Variants in DZIP1L observed in about 807,000 individuals in gnomAD.
DZIP1L encodes the protein cilium assembly protein DZIP1L.
A neutral mutation model predicts 88.7 loss-of-function variants in DZIP1L; 90 were observed. The ratio of observed to expected loss-of-function variants is 1.02; its 90% CI spans 0.86 to 1.21. DZIP1L has a LOEUF of 1.21. Ranked by LOEUF, DZIP1L falls within the 50% of genes most tolerant of loss-of-function variation. The pLI is 0.00. For missense variants in DZIP1L, 932 were observed against 955.8 expected (o/e 0.98, Z 0.33); for synonymous variants, 363 against 372.1 (o/e 0.98, Z 0.28).
At chr3:138,106,911 G>C (rs2042512049) in intron 1 of DZIP1L, among the ~76,000 whole-genome samples, 1 of 151,606 alleles carries the variant, frequency 6.6e-6, no homozygotes, top group Admixed American at 6.6e-5. Context: ...GGGCCTCCAG[G>C]AACAGCCCCT....
intron 10 of DZIP1L, among the ~76,000 whole-genome samples, chr3:138,078,915 C>T (rs1943528477): frequency 6.6e-6 from 1 of 152,160 alleles, no homozygotes; most frequent in South Asian, 2.1e-4. Context: ...CTGGGTGATT[C>T]TTAATGTTTA....
At chr3:138,110,104 C>T (rs2042593480) in intron 1 of DZIP1L, among the ~76,000 whole-genome samples, 1 of 152,030 alleles carries the variant, frequency 6.6e-6, no homozygotes, top group Admixed American at 6.5e-5. Flanking sequence ...ATAAATAGAT[C>T]CCATTTGTCT....
chr3:138,068,168 G>A lies in DZIP1L; in HGVS notation c.1815C>T (p.Ser605=). Residue 605 remains serine, a synonymous_variant, in exon 13 of 16, where the codon TCC becomes TCT. Transcript: ENST00000327532. The part of the protein sequence containing the change: ...GLHGPSSTPP[S]SGPGMSTPPF... ...GGGCTCACCTCATCCCGGGCCCCGA[G>A]GAAGGAGGGGTGCTGGAGGGTCCAT... 3 of 1,516,992 alleles carry A rather than the reference G, an allele frequency of 2.0e-6. No homozygotes were observed. Among genetic ancestry groups the A allele is most frequent in the Non-Finnish European group, 2.7e-6 (3 of 1,128,998 alleles). 94.0% of individuals were successfully genotyped at this position (1,516,992 alleles called of 1,614,324 possible). A position where few individuals can be genotyped will look rare whatever the true frequency, so the allele number is the denominator to read the frequency against.
intron 2 of DZIP1L, chr3:138,102,393 A>G (rs1253030850): frequency 7.7e-7 from 1 of 1,291,296 alleles, no homozygotes; most frequent in Non-Finnish European, 1.1e-6. Flanking sequence ...CTTGTTCTCG[A>G]AGTCCTCCAC....
rs1357154073 is a variant in DZIP1L at position 138,084,227 on chromosome 3, C to G, written c.1089G>C (p.Gln363His). 1.9e-6 allele frequency: 3 copies of G among 1,614,128 alleles called. No individual in the cohort carries two copies. The Admixed American group carries it at 5.0e-5, about 27-fold the overall frequency. The change falls in exon 8 of 16, where the codon CAG (glutamine) becomes CAC (histidine). Residue 363 changes from glutamine to histidine, a missense_variant. By Grantham distance (24) the Gln-to-His change is conservative (BLOSUM62 0). Transcript: ENST00000327532. ...TCTTCTGATCCTGAGACAGGGAGGC[C>G]TGGAGCCTCTGGTTCTCCTCCTGTA... ...KELQEENQRL[Q>H]ASLSQDQKKA... is the part of the protein sequence containing the mutation.
chr3:138,096,659 T>C (rs533025961), intron 3 of DZIP1L, among the ~76,000 whole-genome samples: 1 of 152,284 alleles, frequency 6.6e-6, no homozygotes, highest in African/African-American at 2.4e-5. Context: ...CAGAGACATA[T>C]TTTTATTCAA....
rs1944395636 is a variant in DZIP1L at position 138,094,867 on chromosome 3, G to A, written c.703C>T (p.Leu235Phe). Residue 235 changes from leucine to phenylalanine, a missense_variant, in exon 4 of 16, where the codon CTC becomes TTC. Leu to Phe is a conservative substitution (Grantham distance 22). Transcript: ENST00000327532. The stretch of plus-strand genomic sequence containing the variant: ...TGTTTTCTCTCCCTGCCCACCTGGA[G>A]CTGCCGCTGCCTCTCCGCCTCCCTC... The part of the protein sequence containing the change: ...AQREAERQRQ[L>F]QEAELIHQRE... The A allele has an allele frequency of 2.5e-6, 4 of 1,614,084 alleles. No individual in the cohort carries two copies. Among genetic ancestry groups the A allele is most frequent in the African/African-American group, 1.3e-5 (1 of 74,932 alleles).
intron 2 of DZIP1L, among the ~76,000 whole-genome samples, chr3:138,098,894 C>T (rs1428221323): frequency 6.6e-6 from 1 of 152,188 alleles, no homozygotes; most frequent in East Asian, 1.9e-4. Context: ...ACTTAAAATC[C>T]TAGAACTTTG....
At position 138,101,785 on chromosome 3, in the gene DZIP1L, G is replaced by A. The variant is rs897488046; in HGVS notation, c.501+1686C>T. 21 of 1,135,816 alleles carry A rather than the reference G, an allele frequency of 1.8e-5. No homozygotes were observed. In the African/African-American group the frequency reaches 2.7e-4, roughly 15 times the overall value. 70.4% of individuals were successfully genotyped at this position (1,135,816 alleles called of 1,614,324 possible). On this transcript the variant is annotated intron_variant, in intron 2 of 15. Coordinates refer to ENST00000327532, the MANE Select transcript of DZIP1L (RefSeq NM_173543.3). ...ATAGGTGGCGATCTTGATGTCCAGG[G>A]CCAGCTTGACATTCATCAGCTCCTG...
intron 1 of DZIP1L, among the ~76,000 whole-genome samples, chr3:138,108,516 C>G (rs2042557627): frequency 6.6e-6 from 1 of 152,128 alleles, no homozygotes; most frequent in African/African-American, 2.4e-5. Flanking sequence ...TTTCCCCTTT[C>G]TTTTATGACA....
chr3:138,108,494 C>G lies in DZIP1L; in HGVS notation c.-81-4442G>C, dbSNP rs563188073. On this transcript the variant is annotated intron_variant, in intron 1 of 15. Transcript: ENST00000327532. ...ACCTTTTTGAATGCTCTTCCTTAAA[C>G]AGTGGCTATTCTTTCCCCTTTCTTT... Among the ~76,000 whole-genome samples, 9 of 152,304 alleles carry G rather than the reference C, an allele frequency of 5.9e-5. No individual in the cohort carries two copies. The South Asian group carries it at 1.7e-3, about 28-fold the overall frequency.
intron 11 of DZIP1L, among the ~76,000 whole-genome samples, chr3:138,074,004 A>T (rs2724705): frequency 6.6e-5 from 10 of 151,742 alleles, no homozygotes; most frequent in East Asian, 1.9e-4. Context: ...CACAATCCAT[A>T]GAAGACAAAA....
intron 12 of DZIP1L, among the ~76,000 whole-genome samples, chr3:138,069,419 C>T (rs921194711): frequency 7.2e-5 from 11 of 152,132 alleles, no homozygotes; most frequent in East Asian, 1.9e-4. Flanking sequence ...AAAAGTTACA[C>T]GCAAATTTTC....
chr3:138,069,916 G>A (rs1404840687), intron 12 of DZIP1L, among the ~76,000 whole-genome samples: 1 of 152,162 alleles, frequency 6.6e-6, no homozygotes, highest in Non-Finnish European at 1.5e-5. Flanking sequence ...CAAAAACACA[G>A]CGCTCATCTC....
In DZIP1L at chr3:138,095,012, C is replaced by T. The variant is rs780824202; in HGVS notation, c.587-29G>A. On this transcript the variant is annotated intron_variant, in intron 3 of 15. Transcript: ENST00000327532. ...TGGGGTCCACGCAAAGACAGGTGAC[C>T]AGTTTAAGTCCAAAAATCAAGGGAG... is the stretch of plus-strand genomic sequence containing the variant. 4 of 1,613,778 alleles carry T rather than the reference C, an allele frequency of 2.5e-6. No individual in the cohort carries two copies. In the Admixed American group the frequency reaches 6.7e-5, roughly 27 times the overall value.
chr3:138,080,707 G>A lies in DZIP1L; in HGVS notation c.1235-87C>T, dbSNP rs1197932604. ...AAAGTACAGAACCCCAGCTGAGTAT[G>A]AGCCAGAAAGAGAAAACCCTCCAGT... On this transcript the variant is annotated intron_variant, in intron 9 of 15. Coordinates refer to ENST00000327532, the MANE Select transcript of DZIP1L (RefSeq NM_173543.3). The A allele has an allele frequency of 3.6e-6, 5 of 1,395,152 alleles. No homozygotes were observed. The Admixed American group carries it at 5.7e-5, about 16-fold the overall frequency. 86.4% of individuals were successfully genotyped at this position (1,395,152 alleles called of 1,614,324 possible).
In DZIP1L at chr3:138,080,276, G is replaced by A. The variant is rs73867012; in HGVS notation, c.1288+291C>T. 1.2e-4 allele frequency: 33 copies of A among 283,492 alleles called. 2 individuals carry two copies. In the South Asian group the frequency reaches 1.5e-3, roughly 13 times the overall value. The allele number at this position is 283,492 out of a possible 1,614,324, so 17.6% of individuals were successfully genotyped here. A position where few individuals can be genotyped will look rare whatever the true frequency, so the allele number is the denominator to read the frequency against. On this transcript the variant is annotated intron_variant, in intron 10 of 15. Transcript: ENST00000327532. ...CAGTAGGGCAGGCTGTGAATCAGACGTCCCTCCAAATCCTCACTCAGTTAC... is the reference window on the plus strand; with the variant it reads ...CAGTAGGGCAGGCTGTGAATCAGACATCCCTCCAAATCCTCACTCAGTTAC...
At chr3:138,086,839 C>T in intron 7 of DZIP1L, 122 bp downstream of exon 7, 1 of 1,007,474 alleles carries the variant, frequency 9.9e-7, no homozygotes, top group East Asian at 2.4e-5. Context: ...ATATCTGCAG[C>T]ATCTGCCAAC....
intron 1 of DZIP1L, among the ~76,000 whole-genome samples, chr3:138,114,806 C>G (rs1409565959): frequency 6.6e-6 from 1 of 152,146 alleles, no homozygotes; most frequent in African/African-American, 2.4e-5. Context: ...GGACTTTATG[C>G]GCAGCCACCT....
Sources: allele counts gnomAD v4.1 joint callset (sites outside exome capture counted in the v4.1 genomes callset), GRCh38; gene constraint gnomAD v4.1.1; transcripts MANE v1.5; gene names NCBI Gene and HGNC (gene_info 2026-07-23, HGNC 2026-07-21).